The following CACNG3 variants were observed in gnomAD, a reference collection of about 807,000 sequenced individuals.
CACNG3 encodes voltage-dependent calcium channel gamma-3 subunit.
Under a neutral mutation model 28.5 loss-of-function variants are expected in CACNG3, and 3 were observed. The ratio of observed to expected loss-of-function variants is 0.11; its 90% CI spans 0.05 to 0.27. CACNG3 has a LOEUF of 0.27. CACNG3 is among the 10% of genes least tolerant of loss of function. CACNG3 has a pLI of 1.00. For missense variants in CACNG3, 236 were observed against 414.4 expected, an observed-to-expected ratio of 0.57 and a Z score of 3.74; for synonymous variants, 174 against 162.2, an observed-to-expected ratio of 1.07 and a Z score of -0.55.
At chr16:24,300,140 T>G (rs1280003226) in intron 1 of CACNG3, among the ~76,000 whole-genome samples, 1 of 152,200 alleles carries the variant, frequency 6.6e-6, no homozygotes. Flanking sequence ...TTTCTATGTT[T>G]GTTTTTTACT....
intron 1 of CACNG3, among the ~76,000 whole-genome samples, chr16:24,344,456 T>G (rs555980479): frequency 6.6e-6 from 1 of 151,352 alleles, no homozygotes; most frequent in Non-Finnish European, 1.5e-5. Context: ...ACCTGGTATA[T>G]AGTAGGTGCA....
chr16:24,263,613 C>G (rs1205423016), intron 1 of CACNG3, among the ~76,000 whole-genome samples: 1 of 151,874 alleles, frequency 6.6e-6, no homozygotes, highest in Admixed American at 6.6e-5. Flanking sequence ...GCAGGTGGAC[C>G]TGGGGGCTTA....
chr16:24,346,651 C>T, intron 1 of CACNG3, 83 bp from the exon 2 acceptor site: 2 of 895,324 alleles, frequency 2.2e-6, no homozygotes, highest in Non-Finnish European at 1.8e-6. Flanking sequence ...GAGAAAGGAT[C>T]TGCACATAGC....
chr16:24,304,703 G>A (rs893295717), intron 1 of CACNG3, among the ~76,000 whole-genome samples: 5 of 152,036 alleles, frequency 3.3e-5, no homozygotes, highest in Non-Finnish European at 7.4e-5. Flanking sequence ...TGGGCCTACA[G>A]GTACACGCCA....
intron 1 of CACNG3, among the ~76,000 whole-genome samples, chr16:24,288,429 C>A (rs1334425013): frequency 6.6e-6 from 1 of 152,180 alleles, no homozygotes; most frequent in African/African-American, 2.4e-5. Context: ...CCAGGTTTTT[C>A]TCCTTCCTTA....
At chr16:24,290,048 C>G (rs1300662833) in intron 1 of CACNG3, among the ~76,000 whole-genome samples, 1 of 152,228 alleles carries the variant, frequency 6.6e-6, no homozygotes. Flanking sequence ...AGACAAAGAC[C>G]ATCATAGACA....
At chr16:24,280,813 G>A (rs560581007) in intron 1 of CACNG3, among the ~76,000 whole-genome samples, 2 of 60,182 alleles carry the variant, frequency 3.3e-5, no homozygotes, top group Admixed American at 2.2e-4. Context: ...CAGAGCAAGA[G>A]TTTGTCTCAA....
chr16:24,299,966 T>C (rs1451113156), intron 1 of CACNG3, among the ~76,000 whole-genome samples: 2 of 151,812 alleles, frequency 1.3e-5, no homozygotes, highest in African/African-American at 4.8e-5. Flanking sequence ...ACACATACGA[T>C]AGAATGATGT....
Position 24,319,920 on chromosome 16 carries a change from A to G in CACNG3, c.212-26814A>G. The stretch of plus-strand genomic sequence containing the variant: ...CAAGGAGCTGGGACTACAGGTGCAC[A>G]CCACCATGCCCCGCTAATTTTTGCA... On this transcript the variant is annotated intron_variant, in intron 1 of 3. Transcript: ENST00000005284. Among the ~76,000 whole-genome samples the G allele has an allele frequency of 1.3e-5, 2 of 152,076 alleles. 1 individual carries two copies.
At chr16:24,265,137 G>A (rs1166511351) in intron 1 of CACNG3, among the ~76,000 whole-genome samples, 1 of 152,110 alleles carries the variant, frequency 6.6e-6, no homozygotes, top group East Asian at 1.9e-4. Flanking sequence ...AGCTACTCAG[G>A]AGGCTGAAGT....
intron 1 of CACNG3, among the ~76,000 whole-genome samples, chr16:24,274,760 A>G (rs899765006): frequency 6.6e-6 from 1 of 152,234 alleles, no homozygotes; most frequent in Non-Finnish European, 1.5e-5. Context: ...AGTTAACAAC[A>G]GCAAGCGCCT....
intron 1 of CACNG3, among the ~76,000 whole-genome samples, chr16:24,274,398 T>C (rs1415064979): frequency 1.3e-5 from 2 of 152,170 alleles, no homozygotes; most frequent in Admixed American, 1.3e-4. Context: ...CTTAGAACAG[T>C]GCCTGGCACA....
intron 3 of CACNG3, among the ~76,000 whole-genome samples, chr16:24,360,040 C>G (rs957929671): frequency 2.6e-5 from 4 of 152,108 alleles, no homozygotes; most frequent in African/African-American, 9.7e-5. Flanking sequence ...ACGGAACATT[C>G]AAGGAATGGA....
At chr16:24,344,712 AAGG>A (rs1899838285) in intron 1 of CACNG3, among the ~76,000 whole-genome samples, 1 of 152,224 alleles carries the variant, frequency 6.6e-6, no homozygotes, top group Non-Finnish European at 1.5e-5. Flanking sequence ...AATCAGAACC[AAGG>A]AGATGTTCTA....
chr16:24,264,340 G>C (rs1898571480), intron 1 of CACNG3, among the ~76,000 whole-genome samples: 1 of 152,194 alleles, frequency 6.6e-6, no homozygotes, highest in South Asian at 2.1e-4. Flanking sequence ...TGTTCGCAGG[G>C]TACTGTATGG....
At chr16:24,297,275 A>AAAATAAAT (rs562575049) in intron 1 of CACNG3, among the ~76,000 whole-genome samples, 2 of 126,494 alleles carry the variant, frequency 1.6e-5, no homozygotes, top group Admixed American at 7.2e-5. Flanking sequence ...AAAATAAAAT[A>AAAATAAAT]AAATAAATAA....
intron 1 of CACNG3, among the ~76,000 whole-genome samples, chr16:24,314,614 C>G (rs1273453171): frequency 2.0e-5 from 3 of 152,188 alleles, no homozygotes; most frequent in Non-Finnish European, 4.4e-5. Flanking sequence ...AAATGTTCTG[C>G]ATGTGTGGGT....
In CACNG3 at chr16:24,289,359, G is replaced by A. The variant is rs567564342; in HGVS notation, c.211+32394G>A. ...CCTTCAGATTGTTATGTGATGGTGG[G>A]GAAAAGACACATTTTTTTAAACTCT... On this transcript the variant is annotated intron_variant, in intron 1 of 3. Coordinates refer to ENST00000005284, the MANE Select transcript of CACNG3 (RefSeq NM_006539.4). Among the ~76,000 whole-genome samples, 9 of 152,112 alleles carry A rather than the reference G, an allele frequency of 5.9e-5. No individual in the cohort carries two copies. In the South Asian group the frequency reaches 1.9e-3, roughly 32 times the overall value.
chr16:24,330,103 T>C (rs1319662249), intron 1 of CACNG3, among the ~76,000 whole-genome samples: 1 of 152,178 alleles, frequency 6.6e-6, no homozygotes, highest in Non-Finnish European at 1.5e-5. Flanking sequence ...ATAAGTTAAA[T>C]GCCACGCAAT....
Sources: allele counts gnomAD v4.1 joint callset (sites outside exome capture counted in the v4.1 genomes callset), GRCh38; gene constraint gnomAD v4.1.1; transcripts MANE v1.5; gene names NCBI Gene and HGNC (gene_info 2026-07-23, HGNC 2026-07-21).